EPHA2: variants seen among roughly 807,000 people sequenced by gnomAD.
The protein encoded by EPHA2 is EPH receptor A2.
A neutral mutation model predicts 104.9 loss-of-function variants in EPHA2; 54 were observed. The observed-to-expected ratio is 0.51, with a 90% confidence interval of 0.41 to 0.65. The LOEUF (loss-of-function observed/expected upper bound fraction) is 0.65. EPHA2 is among the 30% of genes least tolerant of loss of function. The pLI, the probability that EPHA2 is intolerant of heterozygous loss-of-function variation, is 0.00. For synonymous variants in EPHA2, 560 were observed against 559.1 expected (o/e 1.00, Z -0.02); for missense variants, 1,117 against 1,369.5 (o/e 0.82, Z 2.91).
At chr1:16,147,993 A>G (rs1159251230) in intron 3 of EPHA2, among the ~76,000 whole-genome samples, 1 of 151,552 alleles carries the variant, frequency 6.6e-6, no homozygotes, top group African/African-American at 2.4e-5. Context: ...CTCGTGCTTC[A>G]GCCTCCCAAG....
chr1:16,155,807 G>A (rs2124282772), intron 1 of EPHA2, 41 bp downstream of exon 1: 13 of 1,353,394 alleles, frequency 9.6e-6, no homozygotes, highest in East Asian at 6.2e-5. Flanking sequence ...AGGGGGCACT[G>A]GGGCCCGGGG....
chr1:16,142,377 C>G (rs2024838685), intron 3 of EPHA2, among the ~76,000 whole-genome samples: 1 of 152,230 alleles, frequency 6.6e-6, no homozygotes, highest in African/African-American at 2.4e-5. Context: ...CTGCATGTAT[C>G]AGGAGCTTCC....
chr1:16,148,242 A>T lies in EPHA2; in HGVS notation c.823+136T>A, dbSNP rs980246417. 6.4e-6 allele frequency: 7 copies of T among 1,099,644 alleles called. No individual in the cohort carries two copies. The highest frequency in any genetic ancestry group is 4.6e-5 in the African/African-American group (3 of 64,902). 68.1% of individuals were successfully genotyped at this position (1,099,644 alleles called of 1,614,324 possible). A position where few individuals can be genotyped will look rare whatever the true frequency, so the allele number is the denominator to read the frequency against. ...ATAAGGAAACTGATGTCTGGGAAGG[A>T]TCTATAATTTCCACTAACAGAACTA... On this transcript the variant is annotated intron_variant, in intron 3 of 16. Transcript: ENST00000358432. The surrounding 1 kb of genome is among the most constrained non-coding windows in gnomAD (Gnocchi z 4.9).
intron 3 of EPHA2, among the ~76,000 whole-genome samples, chr1:16,143,158 T>TGATG (rs34028517): frequency 0.36 from 43,589 of 122,698 alleles, 8,130 homozygotes; most frequent in Middle Eastern, 0.49. Context: ...AATGGATGGA[T>TGATG]GATGGATGGA....
In EPHA2 at chr1:16,134,614, A is replaced by G; in HGVS notation, c.1583-47T>C. ...TGACAAGGGAGTTCCCCCACAAATTACAGCAACACCCGCGCTGCACCCAAG... is the reference window on the plus strand; with the variant it reads ...TGACAAGGGAGTTCCCCCACAAATTGCAGCAACACCCGCGCTGCACCCAAG... On this transcript the variant is annotated intron_variant, in intron 7 of 16. Transcript: ENST00000358432. The surrounding 1 kb of genome is among the most constrained non-coding windows in gnomAD (Gnocchi z 4.5). 1 of 1,592,058 alleles carries G rather than the reference A, an allele frequency of 6.3e-7. No homozygotes were observed. Among genetic ancestry groups the G allele is most frequent in the Non-Finnish European group, 8.6e-7 (1 of 1,163,810 alleles).
chr1:16,138,485 C>A, intron 3 of EPHA2, 55 bp from the exon 4 acceptor site: 1 of 1,610,820 alleles, frequency 6.2e-7, no homozygotes, highest in Non-Finnish European at 8.5e-7. Context: ...CTGCTTCCAC[C>A]CCACGTGACT....
In EPHA2 at chr1:16,130,369, G is replaced by A. The variant is rs2124195591; in HGVS notation, c.2526C>T (p.Cys842=). ...DGFRLPTPMD[C]PSAIYQLMMQ... Reference sequence around the variant, plus strand: ...TCATGAGCTGGTAGATGGCGGAGGGGCAGTCCATGGGTGTGGGGAGCCGGA... The same window carrying A: ...TCATGAGCTGGTAGATGGCGGAGGGACAGTCCATGGGTGTGGGGAGCCGGA... Residue 842 remains cysteine, a synonymous_variant, in exon 15 of 17, where the codon TGC becomes TGT. Transcript: ENST00000358432. The surrounding 1 kb of genome is among the most constrained non-coding windows in gnomAD (Gnocchi z 4.5). The A allele has an allele frequency of 5.1e-6, 8 of 1,577,720 alleles. No individual in the cohort carries two copies. The highest frequency in any genetic ancestry group is 6.9e-6 in the Non-Finnish European group (8 of 1,156,160).
chr1:16,136,692 GGAA>G (rs545827541), intron 5 of EPHA2, among the ~76,000 whole-genome samples: 39 of 60,036 alleles, frequency 6.5e-4, no homozygotes, highest in African/African-American at 1.2e-3. Context: ...AAGAAGAAGA[GGAA>G]GAAGAAGAAG....
At position 16,132,084 on chromosome 1, in the gene EPHA2, C is replaced by A; in HGVS notation, c.2305G>T (p.Glu769Ter). The A allele has an allele frequency of 2.5e-6, 4 of 1,614,022 alleles. No homozygotes were observed. The highest frequency in any genetic ancestry group is 3.4e-6 in the Non-Finnish European group (4 of 1,179,988). ...GLSRVLEDDP[E>*]ATYTTSGGKI... ...CTTACACTGGTGGTGTAGGTGGCCT[C>A]GGGGTCGTCCTCCAGCACGCGGGAC... Residue 769 changes from glutamate to a stop codon, truncating the protein, a stop_gained, in exon 13 of 17, where the codon GAG becomes TAG. Transcript: ENST00000358432. LOFTEE classifies it high-confidence loss of function.
intron 16 of EPHA2, among the ~76,000 whole-genome samples, chr1:16,127,481 T>G (rs1343558299): frequency 6.6e-6 from 1 of 151,864 alleles, no homozygotes; most frequent in Non-Finnish European, 1.5e-5. Context: ...AGGCAGCTGG[T>G]CCCCTGGGAG....
At position 16,131,609 on chromosome 1, in the gene EPHA2, CA is replaced by C; in HGVS notation, c.2475+111del. ...AAAAAAAAAATAAACATTTATGGAGCAAGCCTAAGAAGGTTCATCTAAACTG... is the reference window on the plus strand; with the variant it reads ...AAAAAAAAAATAAACATTTATGGAGCAGCCTAAGAAGGTTCATCTAAACTG... On this transcript the variant is annotated intron_variant, in intron 14 of 16. Coordinates refer to ENST00000358432, the MANE Select transcript of EPHA2 (RefSeq NM_004431.5). The surrounding 1 kb of genome is among the most constrained non-coding windows in gnomAD (Gnocchi z 5.2). The C allele has an allele frequency of 2.8e-6, 4 of 1,445,420 alleles. No individual in the cohort carries two copies. The South Asian group carries it at 5.0e-5, about 18-fold the overall frequency. 89.5% of individuals were successfully genotyped at this position (1,445,420 alleles called of 1,614,324 possible).
chr1:16,137,945 T>G lies in EPHA2; in HGVS notation c.1220A>C (p.Asn407Thr), dbSNP rs760891373. The G allele has an allele frequency of 1.2e-6, 2 of 1,613,980 alleles. No homozygotes were observed. The highest frequency in any genetic ancestry group is 3.3e-5 in the Admixed American group (2 of 60,000). The change falls in exon 5 of 17, where the codon AAC (asparagine) becomes ACC (threonine). Residue 407 changes from asparagine (N) to threonine (T), a missense_variant. Physicochemically the swap from Asn to Thr is moderately conservative, Grantham distance 65. Around this residue, in one of 3 missense-constraint regions of EPHA2, gnomAD observed 664 missense variants for 784.8 expected, o/e 0.85. Coordinates refer to ENST00000358432, the MANE Select transcript of EPHA2 (RefSeq NM_004431.5). ...GCGGGCCTCCACGGTGAAGGTGTAG[T>G]TCATGTGGGGCTCCAGGTCGCTCAC... The part of the protein sequence containing the change: ...VTVSDLEPHM[N>T]YTFTVEARNG...
At chr1:16,152,122 G>C (rs2025049626) in intron 1 of EPHA2, among the ~76,000 whole-genome samples, 1 of 152,224 alleles carries the variant, frequency 6.6e-6, no homozygotes, top group African/African-American at 2.4e-5. Context: ...GCCCTAAGGT[G>C]GGGGTAAAGA....
At chr1:16,129,886 G>C (rs569728643) in intron 15 of EPHA2, among the ~76,000 whole-genome samples, 6 of 152,290 alleles carry the variant, frequency 3.9e-5, no homozygotes, top group Admixed American at 2.6e-4. Flanking sequence ...CACAATCCCA[G>C]CCTGACCACT....
At chr1:16,132,914 G>A in intron 11 of EPHA2, 1 of 542,514 alleles carries the variant, frequency 1.8e-6, no homozygotes, top group Non-Finnish European at 3.3e-6. Context: ...GGGGAGAGGT[G>A]GGCACAGGTG....
chr1:16,126,683 C>T lies in EPHA2; in HGVS notation c.2826-1363G>A, dbSNP rs374151857. Among the ~76,000 whole-genome samples the T allele has an allele frequency of 7.9e-5, 12 of 152,326 alleles. No individual in the cohort carries two copies. In the East Asian group the frequency reaches 2.1e-3, roughly 27 times the overall value. On this transcript the variant is annotated intron_variant, in intron 16 of 16. Transcript: ENST00000358432. ...GTGGTCCCTGGAAAAGCGCTCAGAC[C>T]ACGGTGAAGGAGACAGGACCCCCGG...
rs755148306 is a variant in EPHA2, at chr1:16,125,012, G to A, written c.*203C>T. The A allele has an allele frequency of 4.1e-5, 25 of 614,878 alleles. No homozygotes were observed. The highest frequency in any genetic ancestry group is 6.5e-5 in the Non-Finnish European group (22 of 337,878). 38.1% of individuals were successfully genotyped at this position (614,878 alleles called of 1,614,324 possible). A position where few individuals can be genotyped will look rare whatever the true frequency, so the allele number is the denominator to read the frequency against. ...AGTGCTCAGCTGTGTGCGTCTCGCA[G>A]GGAAAGAGGGCCCAGCCCAGCATCC... On this transcript the variant is annotated 3_prime_UTR_variant, in exon 17 of 17. Transcript: ENST00000358432. The surrounding 1 kb of genome is among the most constrained non-coding windows in gnomAD (Gnocchi z 4.9).
chr1:16,155,969 C>A lies in EPHA2; in HGVS notation c.-37G>T. 6.8e-7 allele frequency: 1 copy of A among 1,465,030 alleles called. No individual in the cohort carries two copies. Among genetic ancestry groups the A allele is most frequent in the Non-Finnish European group, 9.0e-7 (1 of 1,112,986 alleles). The allele number at this position is 1,465,030 out of a possible 1,614,324, so 90.8% of individuals were successfully genotyped here. ...CGCTCTCGGTCCGATCCCCCCGAGC[C>A]CGGCTCCCGCACACCCGCACGCCTG... On this transcript the variant is annotated 5_prime_UTR_variant, in exon 1 of 17. Transcript: ENST00000358432.
rs918394523 is a variant in EPHA2, at chr1:16,125,184, T to C, written c.*31A>G. 2 of 1,600,474 alleles carry C rather than the reference T, an allele frequency of 1.2e-6. No individual in the cohort carries two copies. Among genetic ancestry groups the C allele is most frequent in the Non-Finnish European group, 1.7e-6 (2 of 1,169,454 alleles). On this transcript the variant is annotated 3_prime_UTR_variant, in exon 17 of 17. Transcript: ENST00000358432. This position sits in a 1 kb window ranked among gnomAD's most constrained non-coding sequence, Gnocchi z 4.9. ...GCCACTCTGTTTCTTCAAGTATTCT[T>C]GGCCGATGGGGCTCCAGGCCCTGTC... is the stretch of plus-strand genomic sequence containing the variant.
Sources: allele counts gnomAD v4.1 joint callset (sites outside exome capture counted in the v4.1 genomes callset), GRCh38; gene constraint gnomAD v4.1.1; regional missense constraint gnomAD v4.1.1; non-coding constraint Gnocchi (gnomAD v3.1); transcripts MANE v1.5; gene names NCBI Gene and HGNC (gene_info 2026-07-23, HGNC 2026-07-21).